The following DGKG variants were observed in gnomAD, a reference collection of about 807,000 sequenced individuals.
DGKG encodes the protein diacylglycerol kinase gamma.
In DGKG, 78 loss-of-function variants were observed where a neutral mutation model predicts 105.3. The ratio of observed to expected loss-of-function variants is 0.74; its 90% CI spans 0.62 to 0.89. The LOEUF (loss-of-function observed/expected upper bound fraction) is 0.89. DGKG is among the 40% of genes least tolerant of loss of function. The pLI, the probability that DGKG is intolerant of heterozygous loss-of-function variation, is 0.00. For synonymous variants in DGKG, 346 were observed against 367.1 expected (o/e 0.94, Z 0.66); for missense variants, 958 against 1,020.1 (o/e 0.94, Z 0.83).
rs1718171541 is a variant in DGKG at position 186,196,157 on chromosome 3, AG to A, written c.1918-7779del. On this transcript the variant is annotated intron_variant, in intron 21 of 24. Transcript: ENST00000265022. ...TCTTTCTTTTTTTTTTTTTTTTTTA[AG>A]ACTGAGTCTCACTCTGTTGCCCAGG... 6.8e-5 allele frequency among the ~76,000 whole-genome samples: 9 copies of A among 132,350 alleles called. 1 individual carries two copies. The South Asian group carries it at 1.9e-3, about 28-fold the overall frequency. 86.8% of individuals were successfully genotyped at this position (132,350 alleles called of 152,430 possible).
intron 1 of DGKG, among the ~76,000 whole-genome samples, chr3:186,342,161 T>C (rs1726119963): frequency 6.6e-6 from 1 of 151,860 alleles, no homozygotes; most frequent in Non-Finnish European, 1.5e-5. Context: ...AAACTTAAAG[T>C]ATAATAAAAA....
chr3:186,243,298 T>C (rs1283501993), intron 19 of DGKG, among the ~76,000 whole-genome samples: 2 of 152,006 alleles, frequency 1.3e-5, no homozygotes, highest in Non-Finnish European at 2.9e-5. Context: ...TATTACATCA[T>C]GTGGACACTG....
At position 186,271,037 on chromosome 3, in the gene DGKG, C is replaced by T. The variant is rs143124907; in HGVS notation, c.999+1218G>A. Among the ~76,000 whole-genome samples the T allele has an allele frequency of 2.3e-3, 345 of 152,274 alleles. 1 individual carries two copies. The highest frequency in any genetic ancestry group is 7.9e-3 in the African/African-American group (329 of 41,550). On this transcript the variant is annotated intron_variant, in intron 11 of 24. Coordinates refer to ENST00000265022, the MANE Select transcript of DGKG (RefSeq NM_001346.3). ...GCGTGGACGAGAGACCATGCAGTGTCCATGGGGCATGCACACAAATTCTAG... is the reference window on the plus strand; with the variant it reads ...GCGTGGACGAGAGACCATGCAGTGTTCATGGGGCATGCACACAAATTCTAG...
intron 18 of DGKG, 96 bp downstream of exon 18, chr3:186,252,997 G>A (rs1328573012): frequency 9.7e-7 from 1 of 1,033,340 alleles, no homozygotes; most frequent in African/African-American, 1.6e-5. Flanking sequence ...TGCGGAATGT[G>A]ATCCATAAAA....
chr3:186,176,560 G>A (rs1344538347), intron 22 of DGKG, among the ~76,000 whole-genome samples: 1 of 152,154 alleles, frequency 6.6e-6, no homozygotes, highest in Non-Finnish European at 1.5e-5. Context: ...AGGTGTGGGA[G>A]GGTGTTGGGT....
At chr3:186,178,492 C>T (rs934309314) in intron 22 of DGKG, among the ~76,000 whole-genome samples, 50 of 152,160 alleles carry the variant, frequency 3.3e-4, no homozygotes, top group African/African-American at 1.0e-3. Flanking sequence ...GTGAAAGGTT[C>T]CTTGGCTCTG....
In DGKG at chr3:186,234,953, G is replaced by A. The variant is rs557521643; in HGVS notation, c.1826+7551C>T. On this transcript the variant is annotated intron_variant, in intron 20 of 24. Transcript: ENST00000265022. ...CACGTGGTTGCTCCCTTTTTTCTGC[G>A]AATAATCAAGAGTTAACTATAAACA... Among the ~76,000 whole-genome samples, 7 of 151,610 alleles carry A rather than the reference G, an allele frequency of 4.6e-5. No homozygotes were observed. The East Asian group carries it at 1.2e-3, about 25-fold the overall frequency.
chr3:186,230,127 G>A (rs1418891630), intron 20 of DGKG, among the ~76,000 whole-genome samples: 3 of 152,200 alleles, frequency 2.0e-5, no homozygotes, highest in South Asian at 4.1e-4. Flanking sequence ...GTGTGGTGGC[G>A]GGCGCCTGTA....
intron 1 of DGKG, among the ~76,000 whole-genome samples, chr3:186,332,337 G>T (rs935139412): frequency 3.3e-5 from 5 of 152,198 alleles, no homozygotes; most frequent in African/African-American, 1.2e-4. Flanking sequence ...TGAATCCTGG[G>T]AGAGTTCACT....
intron 20 of DGKG, among the ~76,000 whole-genome samples, chr3:186,235,916 G>A (rs1474661199): frequency 5.3e-5 from 8 of 152,196 alleles, no homozygotes; most frequent in Non-Finnish European, 1.2e-4. Flanking sequence ...CACCCAGGGA[G>A]CACATGGAAT....
chr3:186,320,658 C>T lies in DGKG; in HGVS notation c.-199G>A, dbSNP rs1242104258. ...GACAAGATCTCTGCTATTCCTTAGG[C>T]AACATCCTCCTGTCTGTATTCAAGG... On this transcript the variant is annotated 5_prime_UTR_variant, in exon 2 of 25. Transcript: ENST00000265022. 4.3e-6 allele frequency: 3 copies of T among 696,866 alleles called. No homozygotes were observed. In the African/African-American group the frequency reaches 5.5e-5, roughly 13 times the overall value. The allele number at this position is 696,866 out of a possible 1,614,324, so 43.2% of individuals were successfully genotyped here.
chr3:186,209,872 C>G (rs529947026), intron 21 of DGKG, among the ~76,000 whole-genome samples: 1 of 152,204 alleles, frequency 6.6e-6, no homozygotes, highest in Non-Finnish European at 1.5e-5. Flanking sequence ...AGCTGCCCAT[C>G]ACATGACACG....
chr3:186,212,525 C>T (rs1281093545), intron 20 of DGKG, among the ~76,000 whole-genome samples: 1 of 152,124 alleles, frequency 6.6e-6, no homozygotes, highest in East Asian at 1.9e-4. Flanking sequence ...CCATGGCAAT[C>T]CTTCAGTTAA....
At chr3:186,317,613 A>C (rs972866168) in intron 2 of DGKG, among the ~76,000 whole-genome samples, 2 of 152,050 alleles carry the variant, frequency 1.3e-5, no homozygotes, top group Non-Finnish European at 2.9e-5. Flanking sequence ...GCCCTTGCCC[A>C]AGCCACGTCC....
chr3:186,286,116 A>C (rs76158289), intron 6 of DGKG, among the ~76,000 whole-genome samples: 2 of 151,982 alleles, frequency 1.3e-5, no homozygotes, highest in East Asian at 3.9e-4. Flanking sequence ...TTGTGTCATC[A>C]TTTCCTCCTA....
intron 16 of DGKG, among the ~76,000 whole-genome samples, chr3:186,259,700 G>A (rs1197577628): frequency 6.6e-6 from 1 of 151,974 alleles, no homozygotes; most frequent in Admixed American, 6.6e-5. Context: ...CGGGCCCGGG[G>A]CCGGCCAGTA....
At chr3:186,160,459 T>C in intron 24 of DGKG, 1 of 985,406 alleles carries the variant, frequency 1.0e-6, no homozygotes, top group African/African-American at 1.7e-5. Context: ...TGGAAAGCTA[T>C]TATTTGATAT....
chr3:186,306,193 G>A (rs1207214433), intron 3 of DGKG, among the ~76,000 whole-genome samples: 2 of 152,142 alleles, frequency 1.3e-5, no homozygotes, highest in Non-Finnish European at 2.9e-5. Context: ...AGAATTTGGA[G>A]GCAATGAGTA....
intron 21 of DGKG, among the ~76,000 whole-genome samples, chr3:186,200,342 A>G (rs1480173763): frequency 1.3e-5 from 2 of 152,178 alleles, no homozygotes; most frequent in Non-Finnish European, 2.9e-5. Context: ...ATTTTGTTCC[A>G]AGTATTGTTC....
Sources: allele counts gnomAD v4.1 joint callset (sites outside exome capture counted in the v4.1 genomes callset), GRCh38; gene constraint gnomAD v4.1.1; transcripts MANE v1.5; gene names NCBI Gene and HGNC (gene_info 2026-07-23, HGNC 2026-07-21).